IGSF5: variants seen among roughly 807,000 people sequenced by gnomAD.
IGSF5 encodes the protein immunoglobulin superfamily 5 like.
Under a neutral mutation model 39.4 loss-of-function variants are expected in IGSF5, and 41 were observed. That is an observed-to-expected ratio of 1.04 (90% CI 0.81 to 1.35). The LOEUF is 1.35. Ranked by LOEUF, IGSF5 falls within the 40% of genes most tolerant of loss-of-function variation. IGSF5 has a pLI of 0.00. For synonymous variants in IGSF5, 183 were observed against 175.3 expected, an observed-to-expected ratio of 1.04 and a Z score of -0.34; for missense variants, 487 against 494.6, an observed-to-expected ratio of 0.98 and a Z score of 0.15.
At chr21:39,766,942 T>C (rs1052773454) in intron 3 of IGSF5, among the ~76,000 whole-genome samples, 1 of 152,226 alleles carries the variant, frequency 6.6e-6, no homozygotes, top group Non-Finnish European at 1.5e-5. Context: ...TGGAGACATG[T>C]CTACCTATTT....
At chr21:39,769,896 A>G (rs184243418) in intron 3 of IGSF5, among the ~76,000 whole-genome samples, 22 of 152,328 alleles carry the variant, frequency 1.4e-4, no homozygotes, top group Admixed American at 1.2e-3. Context: ...GGAGTCCTCA[A>G]TGCTTTTGAA....
chr21:39,721,694 CCTTCCTTCCT>C, the IGSF5 span, among the ~76,000 whole-genome samples: 1 of 145,240 alleles, frequency 6.9e-6, no homozygotes, highest in Non-Finnish European at 1.6e-5. Context: ...TTCCTTCCTT[CCTTCCTTCCT>C]TCCTTCCTTC....
chr21:39,798,385 G>A (rs565935524), intron 8 of IGSF5, among the ~76,000 whole-genome samples: 2 of 152,286 alleles, frequency 1.3e-5, no homozygotes, highest in East Asian at 1.9e-4. Flanking sequence ...ACTGGGGTTG[G>A]TAGTGCCATG....
intron 8 of IGSF5, 139 bp from the exon 9 acceptor site, chr21:39,801,123 G>A (rs1173326499): frequency 7.9e-6 from 5 of 636,154 alleles, no homozygotes; most frequent in East Asian, 2.7e-5. Context: ...ATGCAAGAAA[G>A]GAAGAGCTTA....
At chr21:39,770,181 C>A (rs1712822351) in intron 3 of IGSF5, among the ~76,000 whole-genome samples, 1 of 152,064 alleles carries the variant, frequency 6.6e-6, no homozygotes, top group Non-Finnish European at 1.5e-5. Flanking sequence ...GGGGCCAATC[C>A]TCAGGTTGTT....
At chr21:39,774,453 A>G (rs2146284632) in intron 4 of IGSF5, among the ~76,000 whole-genome samples, 1 of 152,366 alleles carries the variant, frequency 6.6e-6, no homozygotes, top group African/African-American at 2.4e-5. Context: ...TTATCCAGTC[A>G]GGGCAAGTCA....
At chr21:39,793,498 C>T in intron 7 of IGSF5, 36 bp from the exon 8 acceptor site, 1 of 1,556,498 alleles carries the variant, frequency 6.4e-7, no homozygotes, top group Non-Finnish European at 8.8e-7. Context: ...TTGGTTTTTG[C>T]CACTTAATGA....
chr21:39,714,130 C>T, the IGSF5 span, among the ~76,000 whole-genome samples: 6 of 152,222 alleles, frequency 3.9e-5, no homozygotes, highest in Non-Finnish European at 7.3e-5. Context: ...CCGCATTCAT[C>T]GGTTGCTTGG....
chr21:39,751,369 G>T (rs986612453), intron 2 of IGSF5: 3 of 152,304 alleles, frequency 2.0e-5, no homozygotes, highest in Non-Finnish European at 4.4e-5. Context: ...TGTGACAGGT[G>T]TTTGTCAAGT....
At chr21:39,791,157 G>A (rs1194505513) in intron 6 of IGSF5, among the ~76,000 whole-genome samples, 1 of 152,110 alleles carries the variant, frequency 6.6e-6, no homozygotes, top group African/African-American at 2.4e-5. Flanking sequence ...TTCCAAAGAA[G>A]GTGTACAGGC....
intron 2 of IGSF5, among the ~76,000 whole-genome samples, chr21:39,761,337 G>T (rs1023857153): frequency 6.6e-6 from 1 of 152,152 alleles, no homozygotes; most frequent in African/African-American, 2.4e-5. Context: ...TCTTGACATT[G>T]GCTTTGGCGA....
intron 2 of IGSF5, among the ~76,000 whole-genome samples, chr21:39,762,804 G>A (rs963074850): frequency 3.3e-5 from 5 of 152,136 alleles, no homozygotes; most frequent in Non-Finnish European, 5.9e-5. Flanking sequence ...AGGGTTTGTA[G>A]GGTGGACTCC....
chr21:39,764,428 C>T (rs561960516), intron 2 of IGSF5, among the ~76,000 whole-genome samples: 1 of 152,268 alleles, frequency 6.6e-6, no homozygotes, highest in Non-Finnish European at 1.5e-5. Context: ...GCAACCTCTG[C>T]CTCCTGGGTT....
At chr21:39,717,134 C>T in the IGSF5 span, among the ~76,000 whole-genome samples, 13,762 of 151,986 alleles carry the variant, frequency 0.091, 759 homozygotes, top group East Asian at 0.22. Flanking sequence ...GCTTCTTGGA[C>T]GCATGTATGT....
At position 39,801,408 on chromosome 21, in the gene IGSF5, G is replaced by A. The variant is rs752096994; in HGVS notation, c.*51G>A. ...GCACTTGGCTGACAATTCAAAACAC[G>A]GCGATGGCATCCTTCCTTTCCATCC... On this transcript the variant is annotated 3_prime_UTR_variant, in exon 9 of 9. Coordinates refer to ENST00000380588, the MANE Select transcript of IGSF5 (RefSeq NM_001080444.2). 4.6e-6 allele frequency: 6 copies of A among 1,306,146 alleles called. No individual in the cohort carries two copies. Among genetic ancestry groups the A allele is most frequent in the South Asian group, 2.4e-5 (2 of 82,896 alleles). 80.9% of individuals were successfully genotyped at this position (1,306,146 alleles called of 1,614,324 possible).
intron 5 of IGSF5, among the ~76,000 whole-genome samples, chr21:39,786,907 A>G (rs989370746): frequency 5.9e-5 from 9 of 152,000 alleles, no homozygotes; most frequent in African/African-American, 1.9e-4. Context: ...GAACTGAACA[A>G]TGAGAACACA....
chr21:39,746,935 C>A (rs2079978314), intron 2 of IGSF5, among the ~76,000 whole-genome samples: 1 of 152,294 alleles, frequency 6.6e-6, no homozygotes, highest in Non-Finnish European at 1.5e-5. Context: ...TGGTGAGGGT[C>A]TAGGGCTGAC....
chr21:39,775,400 C>T (rs1260798405), intron 4 of IGSF5, among the ~76,000 whole-genome samples: 5 of 152,188 alleles, frequency 3.3e-5, no homozygotes, highest in African/African-American at 1.2e-4. Flanking sequence ...CTAGTGGGCA[C>T]AGGGATATGC....
chr21:39,781,387 A>G (rs2080169715), intron 5 of IGSF5, among the ~76,000 whole-genome samples: 1 of 152,182 alleles, frequency 6.6e-6, no homozygotes, highest in African/African-American at 2.4e-5. Context: ...TCCAATATAT[A>G]AGCATTTAGG....
Sources: gnomAD v4.1 joint callset for allele counts (sites outside exome capture counted in the v4.1 genomes callset) on GRCh38, gnomAD v4.1.1 for gene constraint, MANE v1.5 for transcripts, NCBI Gene and HGNC (gene_info 2026-07-23, HGNC 2026-07-21) for gene names.